PUM2: variants seen among roughly 807,000 people sequenced by gnomAD.
PUM2 encodes the protein pumilio RNA binding family member 2.
Under a neutral mutation model 124.5 loss-of-function variants are expected in PUM2, and 57 were observed. The observed-to-expected ratio is 0.46, with a 90% CI of 0.37 to 0.57. The LOEUF (loss-of-function observed/expected upper bound fraction) is 0.57, where lower values mean the gene tolerates loss of function less well. PUM2 is among the 20% of genes least tolerant of loss of function. The pLI, the probability that PUM2 is intolerant of heterozygous loss-of-function variation, is 0.00. For synonymous variants in PUM2, 460 were observed against 446.1 expected, an observed-to-expected ratio of 1.03 and a Z score of -0.39; for missense variants, 1,065 against 1,290.6, an observed-to-expected ratio of 0.83 and a Z score of 2.68.
intron 19 of PUM2, among the ~76,000 whole-genome samples, chr2:20,254,340 A>G (rs112529834): frequency 3.3e-5 from 5 of 152,144 alleles, no homozygotes; most frequent in African/African-American, 1.2e-4. Flanking sequence ...TTTTGTAGAG[A>G]AAGGATCTCC....
chr2:20,262,999 A>G (rs984647608), intron 14 of PUM2, among the ~76,000 whole-genome samples, 194 bp downstream of exon 14: 1 of 152,220 alleles, frequency 6.6e-6, no homozygotes. Flanking sequence ...AAAAAACTGG[A>G]AAACTATAAA....
intron 2 of PUM2, among the ~76,000 whole-genome samples, chr2:20,319,509 T>C (rs1558636818): frequency 6.6e-6 from 1 of 152,242 alleles, no homozygotes; most frequent in Non-Finnish European, 1.5e-5. Context: ...ATTAAACTTA[T>C]CACACTCAAT....
chr2:20,315,744 T>C (rs567426946), intron 3 of PUM2, among the ~76,000 whole-genome samples: 1 of 149,982 alleles, frequency 6.7e-6, no homozygotes, highest in Non-Finnish European at 1.5e-5. Flanking sequence ...GTGGATTGTT[T>C]GAGCTCAGGG....
At chr2:20,338,821 A>T (rs1477513084) in intron 1 of PUM2, among the ~76,000 whole-genome samples, 2 of 152,368 alleles carry the variant, frequency 1.3e-5, no homozygotes, top group East Asian at 3.9e-4. Context: ...AGTTTTGTAA[A>T]AACAGGATGC....
chr2:20,326,187 T>C (rs9306890), intron 2 of PUM2: 432,694 of 1,163,404 alleles, frequency 0.37, 81,357 homozygotes, highest in Middle Eastern at 0.43. Flanking sequence ...TTTCTTAGGG[T>C]TGAGAATTTT....
intron 5 of PUM2, among the ~76,000 whole-genome samples, chr2:20,309,344 C>G (rs759666938): frequency 1.2e-4 from 18 of 151,388 alleles, no homozygotes; most frequent in Non-Finnish European, 2.1e-4. Context: ...CCAAATAGTT[C>G]AGCTGAAACC....
chr2:20,308,472 G>T lies in PUM2; in HGVS notation c.631C>A (p.Pro211Thr). 1 of 1,614,122 alleles carries T rather than the reference G, an allele frequency of 6.2e-7. No individual in the cohort carries two copies. Among genetic ancestry groups the T allele is most frequent in the Non-Finnish European group, 8.5e-7 (1 of 1,180,010 alleles). Residue 211 changes from proline (P) to threonine (T), a missense_variant, in exon 6 of 21, where the codon CCA becomes ACA. Physicochemically the swap from Pro to Thr is conservative, Grantham distance 38. This residue lies in a region of PUM2 where 968 missense variants were observed against 1,159.8 expected (regional missense o/e 0.83). Transcript: ENST00000361078. ...GGATTTGAAAATTCTTCAACAAGTG[G>T]TTTATTAGCTGTAGGATTAGGAAGA... ...GPLPNPTANK[P>T]LVEEFSNPET...
At chr2:20,289,014 T>C (rs1673376565) in intron 10 of PUM2, among the ~76,000 whole-genome samples, 1 of 152,060 alleles carries the variant, frequency 6.6e-6, no homozygotes, top group Non-Finnish European at 1.5e-5. Context: ...GTTGTGTGGC[T>C]GGGCGTGGTG....
chr2:20,308,842 T>C (rs371701671), intron 5 of PUM2, among the ~76,000 whole-genome samples: 5 of 152,284 alleles, frequency 3.3e-5, no homozygotes, highest in East Asian at 1.9e-4. Context: ...TAATGCAATT[T>C]TACACATTAG....
At chr2:20,264,330 C>G (rs1191466806) in intron 13 of PUM2, among the ~76,000 whole-genome samples, 137 of 72,824 alleles carry the variant, frequency 1.9e-3, no homozygotes, top group African/African-American at 7.8e-3. Context: ...CAGCAACACT[C>G]TGTCTCAAAA....
chr2:20,255,174 C>A, intron 18 of PUM2, 42 bp downstream of exon 18: 1 of 1,550,080 alleles, frequency 6.5e-7, no homozygotes, highest in Non-Finnish European at 8.8e-7. Context: ...AAAACAATTT[C>A]CAAAAATATA....
intron 13 of PUM2, among the ~76,000 whole-genome samples, chr2:20,270,073 C>T (rs1365072348): frequency 2.0e-5 from 3 of 152,154 alleles, no homozygotes. Context: ...AAAACTACCT[C>T]CTCTTGTGAC....
At chr2:20,275,445 G>A (rs1325892182) in intron 13 of PUM2, among the ~76,000 whole-genome samples, 1 of 152,032 alleles carries the variant, frequency 6.6e-6, no homozygotes, top group Non-Finnish European at 1.5e-5. Flanking sequence ...TACAACTGAT[G>A]AGGGATAGCT....
In PUM2 at chr2:20,249,615, T is replaced by TA. The variant is rs1447952558; in HGVS notation, c.*1969dup. The TA allele has an allele frequency of 2.0e-5, 3 of 152,652 alleles. No homozygotes were observed. The allele number at this position is 152,652 out of a possible 1,614,324, so 9.5% of individuals were successfully genotyped here. A position where few individuals can be genotyped will look rare whatever the true frequency, so the allele number is the denominator to read the frequency against. On this transcript the variant is annotated 3_prime_UTR_variant, in exon 21 of 21. Transcript: ENST00000361078. ...GTTCATAATATGAACAACTAAGTGATAAAACCTTTAGATTCCATATTGTGC... is the reference window on the plus strand; with the variant it reads ...GTTCATAATATGAACAACTAAGTGATAAAAACCTTTAGATTCCATATTGTGC...
chr2:20,317,750 T>G (rs1260648888), intron 3 of PUM2, among the ~76,000 whole-genome samples: 7 of 152,122 alleles, frequency 4.6e-5, no homozygotes, highest in Non-Finnish European at 1.0e-4. Context: ...TGTTCCCCTC[T>G]TTGTGTCCCT....
chr2:20,268,042 C>T (rs946628535), intron 13 of PUM2, among the ~76,000 whole-genome samples: 1 of 151,916 alleles, frequency 6.6e-6, no homozygotes, highest in Non-Finnish European at 1.5e-5. Flanking sequence ...TGGGGGAGAC[C>T]GTAAGTGAAA....
chr2:20,343,933 C>T (rs1480561661), intron 1 of PUM2, among the ~76,000 whole-genome samples: 1 of 151,948 alleles, frequency 6.6e-6, no homozygotes, highest in Admixed American at 6.6e-5. Context: ...CCGCCCTCAT[C>T]CCAGTATCAG....
chr2:20,256,221 T>C, intron 16 of PUM2, 51 bp from the exon 17 acceptor site: 1 of 1,487,254 alleles, frequency 6.7e-7, no homozygotes, highest in Non-Finnish European at 9.0e-7. Context: ...GAGAAAATAC[T>C]AGTATATTTT....
intron 10 of PUM2, among the ~76,000 whole-genome samples, chr2:20,285,905 A>G (rs551101536): frequency 6.6e-6 from 1 of 152,194 alleles, no homozygotes; most frequent in Non-Finnish European, 1.5e-5. Flanking sequence ...AAGAATCTCC[A>G]TAACAAGATG....
Sources: gnomAD v4.1 joint callset for allele counts (sites outside exome capture counted in the v4.1 genomes callset) on GRCh38, gnomAD v4.1.1 for gene constraint, gnomAD v4.1.1 regional missense constraint, MANE v1.5 for transcripts, NCBI Gene and HGNC (gene_info 2026-07-23, HGNC 2026-07-21) for gene names.